The following ST18 variants were observed in gnomAD, a reference collection of about 807,000 sequenced individuals.
ST18 encodes the protein ST18 C2H2C-type zinc finger transcription factor.
ST18 carries 50 observed loss-of-function variants against 110.0 expected under a neutral mutation model. The observed-to-expected ratio is 0.45, with a 90% CI of 0.36 to 0.58. The LOEUF (loss-of-function observed/expected upper bound fraction) is 0.58, where lower values mean the gene tolerates loss of function less well. ST18 is among the 20% of genes least tolerant of loss of function. ST18 has a pLI of 0.00. For missense variants in ST18, 1,306 were observed against 1,280.1 expected (o/e 1.02, Z -0.31); for synonymous variants, 461 against 452.4 (o/e 1.02, Z -0.24).
At chr8:52,212,193 G>A in intron 7 of ST18, 84 bp from the exon 8 acceptor site, 2 of 1,350,848 alleles carry the variant, frequency 1.5e-6, no homozygotes, top group South Asian at 2.5e-5. Flanking sequence ...CCCCCACCTA[G>A]AGGTAACGAC....
At chr8:52,234,580 C>T (rs765577581) in intron 2 of ST18, among the ~76,000 whole-genome samples, 17 of 152,226 alleles carry the variant, frequency 1.1e-4, no homozygotes, top group Middle Eastern at 3.4e-3. Context: ...ACAGCAACCC[C>T]ACTACTGGGT....
At chr8:52,163,723 T>G (rs1445720054) in intron 13 of ST18, among the ~76,000 whole-genome samples, 1 of 152,168 alleles carries the variant, frequency 6.6e-6, no homozygotes, top group East Asian at 1.9e-4. Flanking sequence ...GTATATTAAT[T>G]CTTTTAGATT....
chr8:52,135,519 C>T (rs1361585713), intron 19 of ST18, among the ~76,000 whole-genome samples: 2 of 141,764 alleles, frequency 1.4e-5, no homozygotes, highest in African/African-American at 5.3e-5. Flanking sequence ...GAGACTGTGC[C>T]GTTGCACTCC....
intron 2 of ST18, among the ~76,000 whole-genome samples, chr8:52,321,531 G>T (rs1348765948): frequency 6.6e-6 from 1 of 152,132 alleles, no homozygotes; most frequent in East Asian, 1.9e-4. Context: ...TTGTTATTTT[G>T]TTTATTTTGT....
At chr8:52,227,485 T>C (rs1160722647) in intron 3 of ST18, among the ~76,000 whole-genome samples, 2 of 152,162 alleles carry the variant, frequency 1.3e-5, no homozygotes. Context: ...TTCAGAGAAC[T>C]ATGACTAGAA....
intron 2 of ST18, among the ~76,000 whole-genome samples, chr8:52,360,755 G>A (rs1350142437): frequency 6.6e-6 from 1 of 152,166 alleles, no homozygotes; most frequent in Non-Finnish European, 1.5e-5. Flanking sequence ...TTTCACTTAA[G>A]CTGAGAACAA....
At chr8:52,156,021 T>C (rs995928253) in intron 15 of ST18, among the ~76,000 whole-genome samples, 1 of 152,134 alleles carries the variant, frequency 6.6e-6, no homozygotes, top group African/African-American at 2.4e-5. Flanking sequence ...CAGAGGAGAA[T>C]TGAGAAATCA....
chr8:52,149,442 T>C (rs1179482620), intron 16 of ST18, among the ~76,000 whole-genome samples: 1 of 152,262 alleles, frequency 6.6e-6, no homozygotes. Flanking sequence ...TTACAGCTGC[T>C]ATATGAAGGG....
intron 2 of ST18, among the ~76,000 whole-genome samples, chr8:52,309,262 T>C (rs1045409829): frequency 2.6e-5 from 4 of 152,208 alleles, no homozygotes; most frequent in African/African-American, 9.6e-5. Context: ...AGCTCACACC[T>C]GTAATTCCAG....
intron 2 of ST18, among the ~76,000 whole-genome samples, chr8:52,359,447 G>C (rs1040916823): frequency 6.6e-6 from 1 of 152,050 alleles, no homozygotes; most frequent in African/African-American, 2.4e-5. Context: ...TGCTCTAATA[G>C]GGCTTAAATT....
At chr8:52,281,048 T>C (rs2095367052) in intron 2 of ST18, among the ~76,000 whole-genome samples, 1 of 152,036 alleles carries the variant, frequency 6.6e-6, no homozygotes, top group Non-Finnish European at 1.5e-5. Flanking sequence ...AAACCACACA[T>C]TAAAAAACTA....
At chr8:52,298,446 A>G (rs910448311) in intron 2 of ST18, among the ~76,000 whole-genome samples, 2 of 152,240 alleles carry the variant, frequency 1.3e-5, no homozygotes, top group African/African-American at 4.8e-5. Flanking sequence ...GACAATTAGC[A>G]TCAACCTAAT....
At chr8:52,346,122 T>G (rs1015350719) in intron 2 of ST18, among the ~76,000 whole-genome samples, 2 of 151,570 alleles carry the variant, frequency 1.3e-5, no homozygotes, top group African/African-American at 4.8e-5. Context: ...GTAGGTGACA[T>G]ATTATATTCA....
intron 2 of ST18, among the ~76,000 whole-genome samples, chr8:52,239,612 A>G (rs960761423): frequency 6.6e-6 from 1 of 152,134 alleles, no homozygotes; most frequent in African/African-American, 2.4e-5. Context: ...AAAATACCAA[A>G]AAAACAAAAA....
intron 2 of ST18, among the ~76,000 whole-genome samples, chr8:52,292,580 A>G (rs1010982427): frequency 6.6e-6 from 1 of 152,242 alleles, no homozygotes; most frequent in African/African-American, 2.4e-5. Context: ...TGTTATTAAC[A>G]TAAAATAAAT....
At chr8:52,385,398 A>C (rs1367517629) in intron 2 of ST18, among the ~76,000 whole-genome samples, 1 of 152,114 alleles carries the variant, frequency 6.6e-6, no homozygotes, top group African/African-American at 2.4e-5. Context: ...TCAGAAGTTC[A>C]AGACCAGCCT....
chr8:52,172,049 G>C lies in ST18; in HGVS notation c.812C>G (p.Ala271Gly). Reference protein sequence around the residue: ...NALAEPLDGNAQPSFPDVEEE... With the variant: ...NALAEPLDGNGQPSFPDVEEE... The stretch of plus-strand genomic sequence containing the variant: ...CTCAACGTCAGGGAATGAGGGCTGG[G>C]CATTGCCATCCAGGGGTTCTGCGAG... Residue 271 changes from alanine (A) to glycine (G), a missense_variant, in exon 10 of 26, where the codon GCC becomes GGC. Ala to Gly is a moderately conservative substitution (Grantham distance 60, BLOSUM62 0). Transcript: ENST00000689386. The C allele has an allele frequency of 1.2e-6, 2 of 1,614,226 alleles. No homozygotes were observed. The highest frequency in any genetic ancestry group is 1.7e-6 in the Non-Finnish European group (2 of 1,180,046).
intron 2 of ST18, among the ~76,000 whole-genome samples, chr8:52,261,294 A>C (rs561668014): frequency 2.3e-4 from 35 of 152,316 alleles, no homozygotes; most frequent in African/African-American, 7.7e-4. Context: ...ATCCCAGGAA[A>C]TGAGGCAAAG....
intron 2 of ST18, among the ~76,000 whole-genome samples, chr8:52,323,587 G>C (rs898928980): frequency 8.5e-5 from 13 of 152,198 alleles, no homozygotes; most frequent in African/African-American, 3.1e-4. Flanking sequence ...AGAGGAATGA[G>C]TAACTCTGCA....
Sources: gnomAD v4.1 joint callset for allele counts (sites outside exome capture counted in the v4.1 genomes callset) on GRCh38, gnomAD v4.1.1 for gene constraint, MANE v1.5 for transcripts, NCBI Gene and HGNC (gene_info 2026-07-23, HGNC 2026-07-21) for gene names.